Variants in DENND6A observed in about 807,000 individuals in gnomAD.
DENND6A encodes DENN domain containing 6A.
Under a neutral mutation model 95.5 loss-of-function variants are expected in DENND6A, and 43 were observed. That is an observed-to-expected ratio of 0.45 (90% CI 0.35 to 0.58). The LOEUF is 0.58. Among genes scored for constraint, DENND6A ranks in the 20% least tolerant of loss-of-function variants. The probability of loss-of-function intolerance (pLI) is 0.00; values close to 1 mark genes in which losing one functional copy is unlikely to be tolerated. For synonymous variants in DENND6A, 257 were observed against 260.4 expected, an observed-to-expected ratio of 0.99 and a Z score of 0.13; for missense variants, 574 against 736.0, an observed-to-expected ratio of 0.78 and a Z score of 2.55.
chr3:57,632,988 C>T (rs980442032), intron 15 of DENND6A, among the ~76,000 whole-genome samples: 2 of 152,102 alleles, frequency 1.3e-5, no homozygotes, highest in Non-Finnish European at 2.9e-5. Flanking sequence ...ATTTAAGATT[C>T]ACAACAGTCT....
At chr3:57,641,311 T>A (rs1281371810) in intron 12 of DENND6A, among the ~76,000 whole-genome samples, 1 of 144,062 alleles carries the variant, frequency 6.9e-6, no homozygotes, top group Non-Finnish European at 1.5e-5. Context: ...AAATATATAT[T>A]TATATTCAAT....
At chr3:57,655,135 G>A (rs570876546) in intron 9 of DENND6A, among the ~76,000 whole-genome samples, 1 of 152,034 alleles carries the variant, frequency 6.6e-6, no homozygotes, top group East Asian at 1.9e-4. Context: ...CTGGGTTCAA[G>A]CAATTCTCCT....
At chr3:57,630,121 C>G (rs1351335067) in intron 18 of DENND6A, among the ~76,000 whole-genome samples, 2 of 152,214 alleles carry the variant, frequency 1.3e-5, no homozygotes, top group Admixed American at 1.3e-4. Flanking sequence ...CTCCAGCACA[C>G]TGTTGGCTCC....
Position 57,659,055 on chromosome 3 carries a change from T to A in DENND6A, c.762+63A>T, listed in dbSNP as rs933371123. On this transcript the variant is annotated intron_variant, in intron 8 of 19. Coordinates refer to ENST00000311128, the MANE Select transcript of DENND6A (RefSeq NM_152678.3). ...ACTCAAGAAACTCTGCATTTGCTAG[T>A]TTAAAAATTCTGTTAAAGAGACTAT... 2.3e-5 allele frequency: 34 copies of A among 1,505,072 alleles called. No individual in the cohort carries two copies. In the South Asian group the frequency reaches 3.5e-4, roughly 15 times the overall value. The allele number at this position is 1,505,072 out of a possible 1,614,324, so 93.2% of individuals were successfully genotyped here. A position where few individuals can be genotyped will look rare whatever the true frequency, so the allele number is the denominator to read the frequency against.
chr3:57,657,792 T>C, intron 8 of DENND6A, 57 bp from the exon 9 acceptor site: 1 of 1,105,620 alleles, frequency 9.0e-7, no homozygotes, highest in South Asian at 1.4e-5. Flanking sequence ...TGGAAAATTT[T>C]AAAATATATC....
At chr3:57,657,798 A>G (rs1295746107) in intron 8 of DENND6A, 63 bp from the exon 9 acceptor site, 3 of 1,026,332 alleles carry the variant, frequency 2.9e-6, no homozygotes, top group Non-Finnish European at 4.4e-6. Context: ...ATTTTAAAAT[A>G]TATCTATCTC....
intron 4 of DENND6A, 107 bp downstream of exon 4, chr3:57,666,016 T>C (rs183141129): frequency 1.4e-4 from 114 of 839,978 alleles, no homozygotes; most frequent in African/African-American, 1.0e-3. Flanking sequence ...TATAATATAG[T>C]AGCAAAACAA....
chr3:57,662,810 TA>T (rs890348705), intron 5 of DENND6A, among the ~76,000 whole-genome samples: 3 of 150,892 alleles, frequency 2.0e-5, no homozygotes, highest in Non-Finnish European at 3.0e-5. Flanking sequence ...ATAATAATAA[TA>T]AAAAAAAGAT....
intron 9 of DENND6A, among the ~76,000 whole-genome samples, chr3:57,653,663 T>G (rs921476364): frequency 2.6e-5 from 4 of 151,068 alleles, no homozygotes; most frequent in Admixed American, 6.6e-5. Flanking sequence ...GGAGAATTGC[T>G]TGAACCCAGG....
chr3:57,661,297 A>G, intron 6 of DENND6A, 149 bp downstream of exon 6: 1 of 601,792 alleles, frequency 1.7e-6, no homozygotes, highest in Non-Finnish European at 2.6e-6. Flanking sequence ...TACAGATGCC[A>G]GAAAAATAGT....
intron 9 of DENND6A, among the ~76,000 whole-genome samples, chr3:57,650,959 T>A (rs2071196591): frequency 6.6e-6 from 1 of 152,112 alleles, no homozygotes; most frequent in African/African-American, 2.4e-5. Flanking sequence ...TAGTTTTGTA[T>A]TTTTAGTAGA....
intron 3 of DENND6A, among the ~76,000 whole-genome samples, chr3:57,667,711 T>A (rs1233981443): frequency 6.6e-6 from 1 of 152,178 alleles, no homozygotes; most frequent in East Asian, 1.9e-4. Flanking sequence ...ACCAAATAAA[T>A]ATGCAAGTTG....
chr3:57,652,657 T>C (rs35824879), intron 9 of DENND6A, among the ~76,000 whole-genome samples: 27,280 of 152,190 alleles, frequency 0.18, 2,867 homozygotes, highest in East Asian at 0.48. Context: ...ACAATTAACT[T>C]ATCAGTGGAG....
intron 1 of DENND6A, among the ~76,000 whole-genome samples, chr3:57,691,669 C>CAAAAAAAAAAAAAA (rs71091304): frequency 3.2e-5 from 3 of 93,596 alleles, no homozygotes; most frequent in Admixed American, 1.3e-4. Context: ...TCACCAATAC[C>CAAAAAAAAAAAAAA]AAAAAAAAAA....
chr3:57,676,302 C>A (rs577418803), intron 1 of DENND6A, among the ~76,000 whole-genome samples: 2 of 148,544 alleles, frequency 1.3e-5, no homozygotes, highest in African/African-American at 4.9e-5. Flanking sequence ...ATGGCTTGAA[C>A]CTGGGAGGCA....
At chr3:57,643,187 G>A (rs2070989283) in intron 11 of DENND6A, among the ~76,000 whole-genome samples, 1 of 152,056 alleles carries the variant, frequency 6.6e-6, no homozygotes, top group Non-Finnish European at 1.5e-5. Flanking sequence ...ATATCAAACT[G>A]ACAGAATTTG....
At chr3:57,669,514 G>C (rs2071579632) in intron 3 of DENND6A, among the ~76,000 whole-genome samples, 1 of 150,704 alleles carries the variant, frequency 6.6e-6, no homozygotes, top group Non-Finnish European at 1.5e-5. Flanking sequence ...AGGAGATCAA[G>C]ACCATCCTGG....
At position 57,626,583 on chromosome 3, in the gene DENND6A, CCT is replaced by C. The variant is rs1408433662; in HGVS notation, c.*1629_*1630del. On this transcript the variant is annotated 3_prime_UTR_variant, in exon 20 of 20. Transcript: ENST00000311128. ...AATTAGCCAGGCGTGGTGGCACATA[CCT>C]GTAATCCCAGCTACTCAGGAGGCTG... 6.6e-6 allele frequency: 1 copy of C among 152,244 alleles called. No homozygotes were observed. Among genetic ancestry groups the C allele is most frequent in the Non-Finnish European group, 1.5e-5 (1 of 68,132 alleles). 9.4% of individuals were successfully genotyped at this position (152,244 alleles called of 1,614,324 possible). A position where few individuals can be genotyped will look rare whatever the true frequency, so the allele number is the denominator to read the frequency against.
In DENND6A at chr3:57,657,821, C is replaced by T. The variant is rs2071356512; in HGVS notation, c.763-86G>A. 3.9e-6 allele frequency: 3 copies of T among 766,144 alleles called. 1 individual carries two copies. Among genetic ancestry groups the T allele is most frequent in the South Asian group, 3.6e-5 (2 of 56,228 alleles). The allele number at this position is 766,144 out of a possible 1,614,324, so 47.5% of individuals were successfully genotyped here. Reference sequence around the variant, plus strand: ...ATATATCTATCTCATGATCAATAAGCCATGCTGCCCTGTCTAACTTTTAAG... The same window carrying T: ...ATATATCTATCTCATGATCAATAAGTCATGCTGCCCTGTCTAACTTTTAAG... On this transcript the variant is annotated intron_variant, in intron 8 of 19. Coordinates refer to ENST00000311128, the MANE Select transcript of DENND6A (RefSeq NM_152678.3).
Sources: allele counts gnomAD v4.1 joint callset (sites outside exome capture counted in the v4.1 genomes callset), GRCh38; gene constraint gnomAD v4.1.1; transcripts MANE v1.5; gene names NCBI Gene and HGNC (gene_info 2026-07-23, HGNC 2026-07-21).